Variants in ADAMTSL3 observed in about 807,000 individuals in gnomAD.
The protein encoded by ADAMTSL3 is ADAMTS like 3, also known as ADAMTS-like protein 3.
ADAMTSL3 carries 128 observed loss-of-function variants against 201.7 expected under a neutral mutation model. That is an observed-to-expected ratio of 0.63 (90% confidence interval 0.55 to 0.73). ADAMTSL3 has a LOEUF of 0.73. ADAMTSL3 is among the 30% of genes least tolerant of loss of function. The pLI is 0.00. For missense variants in ADAMTSL3, 1,990 were observed against 2,119.6 expected (o/e 0.94, Z 1.20); for synonymous variants, 738 against 748.4 (o/e 0.99, Z 0.23).
intron 23 of ADAMTSL3, among the ~76,000 whole-genome samples, chr15:83,995,763 G>C (rs1327017577): frequency 1.3e-5 from 2 of 152,078 alleles, no homozygotes; most frequent in Non-Finnish European, 2.9e-5. Flanking sequence ...CTGTAGGATT[G>C]CTAGAACAAA....
chr15:83,999,505 G>C (rs980881864), intron 23 of ADAMTSL3, among the ~76,000 whole-genome samples: 1 of 152,118 alleles, frequency 6.6e-6, no homozygotes, highest in African/African-American at 2.4e-5. Flanking sequence ...ATCTACTAGC[G>C]GGGTATTTTT....
At chr15:83,930,133 G>T (rs545232564) in intron 17 of ADAMTSL3, among the ~76,000 whole-genome samples, 1 of 152,160 alleles carries the variant, frequency 6.6e-6, no homozygotes, top group Non-Finnish European at 1.5e-5. Context: ...AGGAATTTCA[G>T]GTGAGTTCCT....
chr15:83,944,077 C>G (rs2066612362), intron 19 of ADAMTSL3, among the ~76,000 whole-genome samples: 5 of 152,142 alleles, frequency 3.3e-5, no homozygotes, highest in Admixed American at 2.6e-4. Context: ...GAGATTTCAT[C>G]ACACTACTCA....
chr15:83,958,438 C>G (rs1441785253), intron 19 of ADAMTSL3, among the ~76,000 whole-genome samples: 1 of 152,154 alleles, frequency 6.6e-6, no homozygotes, highest in Non-Finnish European at 1.5e-5. Flanking sequence ...TCCAGAGATA[C>G]AAATCCCAGA....
chr15:83,691,768 C>G (rs1015914750), intron 2 of ADAMTSL3, among the ~76,000 whole-genome samples: 2 of 152,148 alleles, frequency 1.3e-5, no homozygotes, highest in Non-Finnish European at 2.9e-5. Context: ...GCGCCTGCCA[C>G]CATGCCCAGC....
chr15:83,966,242 A>G (rs1298911184), intron 19 of ADAMTSL3, among the ~76,000 whole-genome samples: 1 of 152,168 alleles, frequency 6.6e-6, no homozygotes, highest in Non-Finnish European at 1.5e-5. Context: ...AATGAATCCC[A>G]GAGCTGGTAT....
intron 3 of ADAMTSL3, among the ~76,000 whole-genome samples, chr15:83,744,468 T>C (rs997033771): frequency 3.3e-5 from 5 of 152,186 alleles, no homozygotes; most frequent in Non-Finnish European, 5.9e-5. Context: ...TTTTAAAAAA[T>C]TAATTAATTT....
In ADAMTSL3 at chr15:84,031,348, G is replaced by C; in HGVS notation, c.4670G>C (p.Cys1557Ser). 1 of 1,613,958 alleles carries C rather than the reference G, an allele frequency of 6.2e-7. No individual in the cohort carries two copies. Among genetic ancestry groups the C allele is most frequent in the African/African-American group, 1.3e-5 (1 of 75,034 alleles). The change falls in exon 28 of 30, where the codon TGC (cysteine) becomes TCC (serine). Residue 1557 changes from cysteine (C) to serine (S), a missense_variant. Cys to Ser is a moderately radical substitution (Grantham distance 112). Transcript: ENST00000286744. Reference protein sequence around the residue: ...WEPGNRCPGRCMGRAVRMQQR... With the variant: ...WEPGNRCPGRSMGRAVRMQQR... ...TTTTTGTTCCAGTGTCCTGGACGTT[G>C]CATGGGCCGTGCTGTGAGGATGCAG...
intron 4 of ADAMTSL3, among the ~76,000 whole-genome samples, chr15:83,791,003 A>G (rs7176087): frequency 0.05 from 7,575 of 152,274 alleles, 589 homozygotes; most frequent in African/African-American, 0.17. Flanking sequence ...AGGAACCCTA[A>G]TAAAATACCT....
At chr15:83,794,667 G>A (rs1053005326) in intron 4 of ADAMTSL3, among the ~76,000 whole-genome samples, 5 of 151,794 alleles carry the variant, frequency 3.3e-5, no homozygotes, top group African/African-American at 9.7e-5. Context: ...AGGGTGGGGG[G>A]GAGGAGATGC....
At chr15:83,970,088 AG>A (rs1444608923) in intron 19 of ADAMTSL3, among the ~76,000 whole-genome samples, 1 of 152,208 alleles carries the variant, frequency 6.6e-6, no homozygotes, top group Non-Finnish European at 1.5e-5. Flanking sequence ...AACTATTAAA[AG>A]GGTCAAATTT....
At chr15:83,850,397 T>C (rs998102110) in intron 7 of ADAMTSL3, among the ~76,000 whole-genome samples, 2 of 151,866 alleles carry the variant, frequency 1.3e-5, no homozygotes, top group Admixed American at 1.3e-4. Context: ...TTTAAAAATG[T>C]CTATGTATAT....
intron 7 of ADAMTSL3, among the ~76,000 whole-genome samples, chr15:83,839,925 T>C (rs560057468): frequency 2.0e-5 from 3 of 152,312 alleles, no homozygotes; most frequent in African/African-American, 7.2e-5. Flanking sequence ...TGTCTAAGTA[T>C]CTTTCTGATG....
At chr15:83,692,943 T>G (rs1187597741) in intron 2 of ADAMTSL3, among the ~76,000 whole-genome samples, 1 of 152,126 alleles carries the variant, frequency 6.6e-6, no homozygotes, top group Non-Finnish European at 1.5e-5. Flanking sequence ...CTGAAAGAAA[T>G]AAAGCTGTAG....
At chr15:83,748,087 A>G (rs28566937) in intron 3 of ADAMTSL3, among the ~76,000 whole-genome samples, 10,657 of 152,184 alleles carry the variant, frequency 0.07, 444 homozygotes, top group East Asian at 0.18. Flanking sequence ...CATGTTTGAG[A>G]ATACAAATCA....
intron 9 of ADAMTSL3, among the ~76,000 whole-genome samples, chr15:83,880,725 AAGTGTTC>A (rs1354016711): frequency 1.3e-5 from 2 of 152,324 alleles, no homozygotes; most frequent in East Asian, 3.9e-4. Flanking sequence ...GCCCGAGGCA[AAGTGTTC>A]CAATACTTAT....
intron 25 of ADAMTSL3, 27 bp downstream of exon 25, chr15:84,016,526 T>C: frequency 1.3e-6 from 2 of 1,571,238 alleles, no homozygotes; most frequent in Non-Finnish European, 1.8e-6. Flanking sequence ...TTTTCAGATT[T>C]GCTATGTGTG....
chr15:83,909,781 A>AT (rs1477739237), intron 15 of ADAMTSL3, among the ~76,000 whole-genome samples: 1 of 151,816 alleles, frequency 6.6e-6, no homozygotes, highest in Non-Finnish European at 1.5e-5. Flanking sequence ...TGCCTGGCTA[A>AT]TTTTTTGTAT....
chr15:83,957,813 C>T (rs928805133), intron 19 of ADAMTSL3, among the ~76,000 whole-genome samples: 5 of 152,036 alleles, frequency 3.3e-5, no homozygotes, highest in African/African-American at 4.8e-5. Context: ...GTTATAATTG[C>T]GTGAATCATC....
Sources: gnomAD v4.1 joint callset for allele counts (sites outside exome capture counted in the v4.1 genomes callset) on GRCh38, gnomAD v4.1.1 for gene constraint, MANE v1.5 for transcripts, NCBI Gene and HGNC (gene_info 2026-07-23, HGNC 2026-07-21) for gene names.